STON1: variants seen among roughly 807,000 people sequenced by gnomAD.
STON1 encodes stonin-1.
STON1 carries 79 observed loss-of-function variants against 60.9 expected under a neutral mutation model. That is an observed-to-expected ratio of 1.30 (90% CI 1.08 to 1.56). STON1 has a LOEUF of 1.56. STON1 is among the 40% of genes most tolerant of loss of function. STON1 has a pLI of 0.00. For synonymous variants in STON1, 363 were observed against 306.9 expected, an observed-to-expected ratio of 1.18 and a Z score of -1.91; for missense variants, 1,166 against 858.9, an observed-to-expected ratio of 1.36 and a Z score of -4.47.
chr2:48,538,617 AAGACAGAGTCTC>A (rs1166900378), intron 1 of STON1, among the ~76,000 whole-genome samples: 1 of 151,612 alleles, frequency 6.6e-6, no homozygotes, highest in Non-Finnish European at 1.5e-5. Context: ...TTATTTATTT[AAGACAGAGTCTC>A]ACTCTGTTGC....
intron 1 of STON1, among the ~76,000 whole-genome samples, chr2:48,576,574 T>C (rs1673513119): frequency 6.6e-6 from 1 of 151,896 alleles, no homozygotes. Flanking sequence ...GTTGTAGTTT[T>C]GATTTGCATT....
chr2:48,553,222 G>A (rs1432612561), intron 1 of STON1, among the ~76,000 whole-genome samples: 3 of 152,132 alleles, frequency 2.0e-5, no homozygotes, highest in Admixed American at 6.5e-5. Flanking sequence ...TGGAAGAGGG[G>A]CAAGATGACA....
intron 1 of STON1, among the ~76,000 whole-genome samples, chr2:48,574,560 T>C (rs1673373033): frequency 6.6e-6 from 1 of 152,184 alleles, no homozygotes; most frequent in African/African-American, 2.4e-5. Context: ...CTCTACCTCT[T>C]ACTGGCTGGG....
chr2:48,550,565 A>G (rs968619646), intron 1 of STON1, among the ~76,000 whole-genome samples: 1 of 148,500 alleles, frequency 6.7e-6, no homozygotes, highest in African/African-American at 2.5e-5. Context: ...ATGTGTGTGT[A>G]TATATATATT....
At position 48,580,685 on chromosome 2, in the gene STON1, G is replaced by T. The variant is rs1286632039; in HGVS notation, c.52G>T (p.Val18Phe). 2.1e-6 allele frequency: 3 copies of T among 1,447,596 alleles called. No homozygotes were observed. The highest frequency in any genetic ancestry group is 2.7e-6 in the Non-Finnish European group (3 of 1,097,900). The allele number at this position is 1,447,596 out of a possible 1,614,324, so 89.7% of individuals were successfully genotyped here. A position where few individuals can be genotyped will look rare whatever the true frequency, so the allele number is the denominator to read the frequency against. Reference sequence around the variant, plus strand: ...GGTCACCTTTGATGATGATCCTGCTGTTCAATCTTCTCAAAAGTCAAAGAA... The same window carrying T: ...GGTCACCTTTGATGATGATCCTGCTTTTCAATCTTCTCAAAAGTCAAAGAA... ...KWVTFDDDPAVQSSQKSKNFP... is the reference protein window; with the variant it reads ...KWVTFDDDPAFQSSQKSKNFP... The change falls in exon 2 of 4, where the codon GTT (valine) becomes TTT (phenylalanine). Residue 18 changes from valine to phenylalanine, a missense_variant. Transcript: ENST00000404752.
chr2:48,589,423 G>A lies in STON1; in HGVS notation c.1931-2230G>A, dbSNP rs542707307. On this transcript the variant is annotated intron_variant, in intron 2 of 3. Coordinates refer to ENST00000404752, the MANE Select transcript of STON1 (RefSeq NM_006873.4). ...CTCTATCTTTTATTCATTAATTGGT[G>A]AATTTGAAAATAATCTGTTAAGCCC... is the stretch of plus-strand genomic sequence containing the variant. Among the ~76,000 whole-genome samples, 234 of 152,268 alleles carry A rather than the reference G, an allele frequency of 1.5e-3. 1 individual carries two copies. The highest frequency in any genetic ancestry group is 5.3e-3 in the African/African-American group (222 of 41,542).
chr2:48,553,659 T>C (rs2103797150), intron 1 of STON1, among the ~76,000 whole-genome samples: 1 of 152,218 alleles, frequency 6.6e-6, no homozygotes, highest in South Asian at 2.1e-4. Flanking sequence ...GGCTAATTTT[T>C]TTATTTTTAG....
chr2:48,592,996 C>T (rs1402395553), intron 3 of STON1, among the ~76,000 whole-genome samples: 1 of 152,196 alleles, frequency 6.6e-6, no homozygotes, highest in African/African-American at 2.4e-5. Context: ...CATACACTTA[C>T]ATCTGTTTCT....
intron 2 of STON1, among the ~76,000 whole-genome samples, chr2:48,591,116 T>G (rs1299750553): frequency 6.6e-6 from 1 of 151,610 alleles, no homozygotes; most frequent in African/African-American, 2.4e-5. Flanking sequence ...ATAATTATGT[T>G]TAATATAAAT....
rs148221986 is a variant in STON1, at chr2:48,579,004, C to CTT, written c.-47-1572_-47-1571dup. ...TGGATATCAAGTTTTTTCAACACCA[C>CTT]TTTTTTTTTTTTGTTTGAGACAAAG... On this transcript the variant is annotated intron_variant, in intron 1 of 3. Coordinates refer to ENST00000404752, the MANE Select transcript of STON1 (RefSeq NM_006873.4). Among the ~76,000 whole-genome samples the CTT allele has an allele frequency of 2.7e-3, 397 of 146,538 alleles. 3 individuals carry two copies. The highest frequency in any genetic ancestry group is 9.1e-3 in the African/African-American group (364 of 40,030).
chr2:48,541,572 G>T (rs1247899185), intron 1 of STON1, among the ~76,000 whole-genome samples: 1 of 147,904 alleles, frequency 6.8e-6, no homozygotes, highest in African/African-American at 2.5e-5. Context: ...GGTGGTGCAC[G>T]CCTGTAGTCC....
At chr2:48,585,250 T>C (rs114576420) in intron 2 of STON1, among the ~76,000 whole-genome samples, 48,693 of 151,540 alleles carry the variant, frequency 0.32, 7,945 homozygotes, top group East Asian at 0.42. Context: ...CCTGCTTTCT[T>C]TTTTTTTCTT....
intron 1 of STON1, among the ~76,000 whole-genome samples, chr2:48,562,935 T>C (rs930032691): frequency 5.3e-5 from 8 of 152,326 alleles, no homozygotes; most frequent in African/African-American, 1.9e-4. Context: ...GGATGCTCAC[T>C]TTCCCCAGAG....
chr2:48,536,194 A>C (rs75837024), intron 1 of STON1, among the ~76,000 whole-genome samples: 1 of 152,168 alleles, frequency 6.6e-6, no homozygotes, highest in Non-Finnish European at 1.5e-5. Flanking sequence ...CTCCTCATCT[A>C]TGAAATATAA....
intron 1 of STON1, among the ~76,000 whole-genome samples, chr2:48,547,833 A>C (rs1417557840): frequency 6.6e-6 from 1 of 152,258 alleles, no homozygotes; most frequent in East Asian, 1.9e-4. Context: ...GAACTCACTT[A>C]TACAGTAATG....
At chr2:48,551,701 G>A (rs1017299327) in intron 1 of STON1, among the ~76,000 whole-genome samples, 5 of 152,240 alleles carry the variant, frequency 3.3e-5, no homozygotes, top group Non-Finnish European at 7.3e-5. Context: ...GCCTTGCAAG[G>A]AGCATGTAAA....
intron 1 of STON1, among the ~76,000 whole-genome samples, chr2:48,547,346 G>T (rs945162578): frequency 2.0e-5 from 3 of 152,182 alleles, no homozygotes; most frequent in Non-Finnish European, 4.4e-5. Context: ...CCTCACCATG[G>T]AGTGTGTTCA....
chr2:48,574,906 T>C (rs1673394821), intron 1 of STON1, among the ~76,000 whole-genome samples: 1 of 152,236 alleles, frequency 6.6e-6, no homozygotes, highest in South Asian at 2.1e-4. Context: ...TTAAAAGTTT[T>C]CAACTGTTAA....
At chr2:48,565,347 C>G (rs553635013) in intron 1 of STON1, among the ~76,000 whole-genome samples, 101 of 152,278 alleles carry the variant, frequency 6.6e-4, no homozygotes, top group Non-Finnish European at 1.3e-3. Flanking sequence ...CCACCGCGCC[C>G]AGCCTCCGAC....
Sources: allele counts gnomAD v4.1 joint callset (sites outside exome capture counted in the v4.1 genomes callset), GRCh38; gene constraint gnomAD v4.1.1; transcripts MANE v1.5; gene names NCBI Gene and HGNC (gene_info 2026-07-23, HGNC 2026-07-21).